Variants in MTRF1 observed in about 807,000 individuals in gnomAD.
MTRF1 encodes peptide chain release factor 1, mitochondrial.
MTRF1 carries 51 observed loss-of-function variants against 62.9 expected under a neutral mutation model. The observed-to-expected ratio is 0.81, with a 90% CI of 0.65 to 1.02. MTRF1 has a LOEUF of 1.02. Among genes scored for constraint, MTRF1 ranks in the 50% least tolerant of loss-of-function variants. The pLI, the probability that MTRF1 is intolerant of heterozygous loss-of-function variation, is 0.00. For synonymous variants in MTRF1, 158 were observed against 181.9 expected, an observed-to-expected ratio of 0.87 and a Z score of 1.06; for missense variants, 446 against 530.0, an observed-to-expected ratio of 0.84 and a Z score of 1.56.
the MTRF1 span, among the ~76,000 whole-genome samples, chr13:41,308,050 G>T: frequency 6.6e-6 from 1 of 152,170 alleles, no homozygotes. Flanking sequence ...AGTGGAAGTT[G>T]GCAGTGGGTC....
chr13:41,257,567 C>A (rs1055340832), intron 2 of MTRF1: 1 of 177,122 alleles, frequency 5.6e-6, no homozygotes, highest in African/African-American at 2.3e-5. Flanking sequence ...TTTCAATGTC[C>A]TCATCTATAA....
the MTRF1 span, among the ~76,000 whole-genome samples, chr13:41,298,869 C>G: frequency 2.9e-4 from 44 of 152,164 alleles, no homozygotes; most frequent in African/African-American, 1.1e-3. Flanking sequence ...TAAATCTGGA[C>G]AAGAAGTTCT....
At chr13:41,250,777 T>A (rs774980662) in intron 5 of MTRF1, among the ~76,000 whole-genome samples, 12 of 152,190 alleles carry the variant, frequency 7.9e-5, no homozygotes, top group Non-Finnish European at 1.6e-4. Context: ...ATTTACTGAC[T>A]ATTTCTAAGT....
chr13:41,254,499 A>G lies in MTRF1; in HGVS notation c.507+30T>C, dbSNP rs377736192. On this transcript the variant is annotated intron_variant, in intron 3 of 9. Transcript: ENST00000379480. ...AAACAGCATTCCTTTATACAGCACT[A>G]TTGAAACTAGTCGACCTCTGAAAAC... The G allele has an allele frequency of 4.1e-5, 63 of 1,544,568 alleles. No homozygotes were observed. In the African/African-American group the frequency reaches 4.5e-4, roughly 11 times the overall value.
rs1362236742 is a variant in MTRF1 at position 41,260,794 on chromosome 13, C to T, written c.114G>A (p.Arg38=). 6.8e-6 allele frequency: 11 copies of T among 1,614,078 alleles called. No individual in the cohort carries two copies. Among genetic ancestry groups the T allele is most frequent in the Non-Finnish European group, 9.3e-6 (11 of 1,180,008 alleles). Residue 38 remains arginine (R), a synonymous_variant, in exon 2 of 10, where the codon AGG becomes AGA. Coordinates refer to ENST00000379480, the MANE Select transcript of MTRF1 (RefSeq NM_004294.4). ...HQFRQIHLDT[R]LQVFRQNRNC... ...TCCTGTTTTGTCTAAAAACTTGCAGCCTTGTATCAAGATGTATCTGTCTAA... is the reference window on the plus strand; with the variant it reads ...TCCTGTTTTGTCTAAAAACTTGCAGTCTTGTATCAAGATGTATCTGTCTAA...
the MTRF1 span, among the ~76,000 whole-genome samples, chr13:41,278,266 C>T: frequency 6.6e-5 from 10 of 152,282 alleles, no homozygotes; most frequent in East Asian, 1.9e-3. Context: ...AGGTTCTTGG[C>T]GTCTCGAACA....
chr13:41,301,335 AG>A, the MTRF1 span, among the ~76,000 whole-genome samples: 2 of 152,204 alleles, frequency 1.3e-5, no homozygotes, highest in African/African-American at 4.8e-5. Flanking sequence ...TCACGTGGCT[AG>A]CCTGGGGGAA....
At chr13:41,311,103 C>A in the MTRF1 span, 3 of 265,458 alleles carry the variant, frequency 1.1e-5, no homozygotes, top group African/African-American at 2.3e-5. Flanking sequence ...CTCGCCTGAG[C>A]CCCAGGGGGT....
upstream of MTRF1, among the ~76,000 whole-genome samples, chr13:41,263,878 G>C (rs2040738384): frequency 6.6e-6 from 1 of 152,066 alleles, no homozygotes; most frequent in Non-Finnish European, 1.5e-5. Flanking sequence ...AAGAATCCTG[G>C]GAGTTGTAGT....
At chr13:41,275,232 G>A in the MTRF1 span, among the ~76,000 whole-genome samples, 4 of 150,742 alleles carry the variant, frequency 2.7e-5, no homozygotes, top group South Asian at 2.1e-4. Context: ...ACAGAGTCTC[G>A]CTCTGTTGCC....
At chr13:41,247,857 G>T (rs968369243) in intron 5 of MTRF1, among the ~76,000 whole-genome samples, 1 of 151,968 alleles carries the variant, frequency 6.6e-6, no homozygotes, top group African/African-American at 2.4e-5. Context: ...TTCACATTGG[G>T]CCCACTGTGA....
chr13:41,302,524 AT>A, the MTRF1 span, among the ~76,000 whole-genome samples: 1 of 149,698 alleles, frequency 6.7e-6, no homozygotes, highest in African/African-American at 2.5e-5. Flanking sequence ...CTAGATCTGG[AT>A]TTTTTTTTAA....
the MTRF1 span, among the ~76,000 whole-genome samples, chr13:41,285,037 G>A: frequency 6.6e-6 from 1 of 152,156 alleles, no homozygotes; most frequent in Non-Finnish European, 1.5e-5. Flanking sequence ...TAATCTTATT[G>A]TGAGTTCCTC....
At chr13:41,222,655 C>A (rs970267483) in intron 9 of MTRF1, among the ~76,000 whole-genome samples, 4 of 152,210 alleles carry the variant, frequency 2.6e-5, no homozygotes, top group African/African-American at 9.6e-5. Context: ...CACTGGGAAA[C>A]AACTTCCAAC....
At chr13:41,304,429 G>C in the MTRF1 span, among the ~76,000 whole-genome samples, 1 of 152,068 alleles carries the variant, frequency 6.6e-6, no homozygotes, top group African/African-American at 2.4e-5. Context: ...CGTGTGCCTG[G>C]GCTTCCGCTG....
At chr13:41,221,496 A>C (rs577684865) in intron 9 of MTRF1, among the ~76,000 whole-genome samples, 5 of 152,164 alleles carry the variant, frequency 3.3e-5, no homozygotes, top group Admixed American at 6.5e-5. Context: ...TGTCCTTCAC[A>C]CAGATTTTAA....
At chr13:41,276,542 T>A in the MTRF1 span, among the ~76,000 whole-genome samples, 4 of 151,418 alleles carry the variant, frequency 2.6e-5, no homozygotes. Context: ...CTTTTAGTTA[T>A]TTTTTTTTAT....
the MTRF1 span, chr13:41,311,563 A>C: frequency 6.2e-7 from 1 of 1,608,104 alleles, no homozygotes; most frequent in Admixed American, 1.7e-5. Flanking sequence ...AAGGAGAGCA[A>C]CCTCTTCAAA....
chr13:41,266,483 G>A (rs146641010), upstream of MTRF1, among the ~76,000 whole-genome samples: 200 of 152,010 alleles, frequency 1.3e-3, 1 homozygote, highest in African/African-American at 4.5e-3. Flanking sequence ...ACAGTGGCAC[G>A]CACCTGTAAT....
Sources: gnomAD v4.1 joint callset for allele counts (sites outside exome capture counted in the v4.1 genomes callset) on GRCh38, gnomAD v4.1.1 for gene constraint, MANE v1.5 for transcripts, NCBI Gene and HGNC (gene_info 2026-07-23, HGNC 2026-07-21) for gene names.